CSTPP1: variants seen among roughly 807,000 people sequenced by gnomAD.
The protein encoded by CSTPP1 is UPF0705 protein C11orf49.
At chr11:47,012,764 T>C in the CSTPP1 span, among the ~76,000 whole-genome samples, 1 of 152,022 alleles carries the variant, frequency 6.6e-6, no homozygotes, top group Non-Finnish European at 1.5e-5. Context: ...AAATCAGGAT[T>C]CATAATCTCC....
chr11:46,962,788 A>G, the CSTPP1 span, among the ~76,000 whole-genome samples: 1 of 152,120 alleles, frequency 6.6e-6, no homozygotes, highest in Admixed American at 6.5e-5. Context: ...CCCCATCTCT[A>G]CTAAAAATAC....
At chr11:46,939,631 C>CATAG in the CSTPP1 span, among the ~76,000 whole-genome samples, 5,840 of 116,888 alleles carry the variant, frequency 0.05, 254 homozygotes, top group East Asian at 0.18. Context: ...CTCTAAAATG[C>CATAG]ATAGATAGAT....
chr11:46,944,115 C>T, the CSTPP1 span, among the ~76,000 whole-genome samples: 2 of 151,896 alleles, frequency 1.3e-5, no homozygotes, highest in African/African-American at 4.8e-5. Context: ...GTCAGGAGTT[C>T]GAGACCAGCC....
the CSTPP1 span, among the ~76,000 whole-genome samples, chr11:47,055,212 CG>C: frequency 6.6e-6 from 1 of 151,998 alleles, no homozygotes; most frequent in Non-Finnish European, 1.5e-5. Context: ...GGGTTATAGG[CG>C]TGGGCTACCA....
At chr11:47,097,129 G>GC in the CSTPP1 span, among the ~76,000 whole-genome samples, 2 of 136,226 alleles carry the variant, frequency 1.5e-5, no homozygotes, top group Non-Finnish European at 3.2e-5. Flanking sequence ...CTGGCCAGCC[G>GC]CCCCGTCCGG....
the CSTPP1 span, among the ~76,000 whole-genome samples, chr11:46,966,360 C>A: frequency 2.6e-5 from 4 of 152,080 alleles, no homozygotes; most frequent in African/African-American, 9.7e-5. Flanking sequence ...CTTTAAGAAT[C>A]GAGAAGCTCT....
chr11:46,983,739 C>G, the CSTPP1 span, among the ~76,000 whole-genome samples: 1 of 152,130 alleles, frequency 6.6e-6, no homozygotes, highest in African/African-American at 2.4e-5. Flanking sequence ...AGGATTTTCC[C>G]GTGTTGGGTG....
the CSTPP1 span, among the ~76,000 whole-genome samples, chr11:47,124,113 A>ATTTTT: frequency 2.1e-4 from 13 of 61,182 alleles, no homozygotes; most frequent in South Asian, 4.8e-4. Flanking sequence ...TAATGGTCTT[A>ATTTTT]CTTTTTTTTT....
chr11:46,938,544 C>G, the CSTPP1 span, among the ~76,000 whole-genome samples: 7 of 151,276 alleles, frequency 4.6e-5, no homozygotes, highest in African/African-American at 1.7e-4. Flanking sequence ...TCTCCCTCCC[C>G]CTGCAGCCCT....
At chr11:46,957,724 TG>T in the CSTPP1 span, among the ~76,000 whole-genome samples, 1 of 152,250 alleles carries the variant, frequency 6.6e-6, no homozygotes. Flanking sequence ...GTTCTATCTC[TG>T]GAACTGTTGT....
chr11:46,980,080 A>AC, the CSTPP1 span, among the ~76,000 whole-genome samples: 52 of 151,974 alleles, frequency 3.4e-4, no homozygotes, highest in African/African-American at 1.3e-3. Context: ...AAACAAACAA[A>AC]AAAACAAAAA....
At chr11:47,104,380 C>CT in the CSTPP1 span, among the ~76,000 whole-genome samples, 1 of 152,200 alleles carries the variant, frequency 6.6e-6, no homozygotes, top group African/African-American at 2.4e-5. Flanking sequence ...TTGTTAGCCA[C>CT]TGGGTGGGTG....
chr11:46,943,862 T>TA, the CSTPP1 span, among the ~76,000 whole-genome samples: 4 of 148,414 alleles, frequency 2.7e-5, no homozygotes, highest in Non-Finnish European at 6.0e-5. Context: ...CTACTAAAAA[T>TA]AAAAAAAAAA....
At chr11:47,052,187 C>A in the CSTPP1 span, 1 of 477,708 alleles carries the variant, frequency 2.1e-6, no homozygotes, top group Non-Finnish European at 3.5e-6. Context: ...GAGGAACTGG[C>A]CTCCAAGAGT....
At chr11:47,137,570 T>C in the CSTPP1 span, 1 of 1,609,784 alleles carries the variant, frequency 6.2e-7, no homozygotes, top group Admixed American at 1.7e-5. Flanking sequence ...GGTCTGAAAC[T>C]CATGAAATGA....
chr11:46,991,093 C>T, the CSTPP1 span, among the ~76,000 whole-genome samples: 1 of 151,990 alleles, frequency 6.6e-6, no homozygotes. Flanking sequence ...GATTCTCTTT[C>T]CTTTTCTTCT....
chr11:46,959,028 C>G, the CSTPP1 span, among the ~76,000 whole-genome samples: 1 of 152,164 alleles, frequency 6.6e-6, no homozygotes, highest in Non-Finnish European at 1.5e-5. Context: ...TACCAGCTAT[C>G]TGGGCATCCC....
the CSTPP1 span, among the ~76,000 whole-genome samples, chr11:47,125,354 C>G: frequency 6.6e-6 from 1 of 152,140 alleles, no homozygotes; most frequent in Non-Finnish European, 1.5e-5. Context: ...ATAAGCACGC[C>G]TACATGCTGG....
the CSTPP1 span, among the ~76,000 whole-genome samples, chr11:46,995,713 G>T: frequency 6.6e-6 from 1 of 152,144 alleles, no homozygotes; most frequent in Non-Finnish European, 1.5e-5. Context: ...GGTCAATTTT[G>T]GAATAAGTGC....
Sources: allele counts gnomAD v4.1 joint callset (sites outside exome capture counted in the v4.1 genomes callset), GRCh38; gene constraint gnomAD v4.1.1; transcripts MANE v1.5; gene names NCBI Gene and HGNC (gene_info 2026-07-23, HGNC 2026-07-21).